Variants in MECOM observed in about 807,000 individuals in gnomAD.
MECOM encodes histone-lysine N-methyltransferase MECOM.
In MECOM, 13 loss-of-function variants were observed where a neutral mutation model predicts 116.3. The ratio of observed to expected loss-of-function variants is 0.11; its 90% confidence interval spans 0.07 to 0.18. The LOEUF (loss-of-function observed/expected upper bound fraction) is 0.18. Among genes scored for constraint, MECOM ranks in the 10% least tolerant of loss-of-function variants. The pLI, the probability that MECOM is intolerant of heterozygous loss-of-function variation, is 1.00. For synonymous variants in MECOM, 528 were observed against 535.2 expected (o/e 0.99, Z 0.19); for missense variants, 1,299 against 1,509.0 (o/e 0.86, Z 2.31).
intron 1 of MECOM, among the ~76,000 whole-genome samples, chr3:169,381,888 T>G (rs543350041): frequency 1.3e-5 from 2 of 152,276 alleles, no homozygotes; most frequent in South Asian, 4.1e-4. Flanking sequence ...AATTCCAAAT[T>G]GGGAGCTGAC....
intron 1 of MECOM, among the ~76,000 whole-genome samples, chr3:169,490,938 G>A (rs1331099513): frequency 6.6e-6 from 1 of 151,892 alleles, no homozygotes; most frequent in Non-Finnish European, 1.5e-5. Flanking sequence ...TGCCCAGGAT[G>A]GTCTGTAATT....
chr3:169,545,251 A>G (rs890524302), intron 1 of MECOM, among the ~76,000 whole-genome samples: 1 of 152,156 alleles, frequency 6.6e-6, no homozygotes. Flanking sequence ...AACATCTATT[A>G]CATAATAGGC....
intron 1 of MECOM, among the ~76,000 whole-genome samples, chr3:169,570,527 A>G (rs1381915126): frequency 6.6e-6 from 1 of 152,168 alleles, no homozygotes. Flanking sequence ...CCTGAAAAAG[A>G]CACATTAAAA....
intron 2 of MECOM, among the ~76,000 whole-genome samples, chr3:169,200,322 T>C (rs1252976172): frequency 2.0e-5 from 3 of 152,144 alleles, no homozygotes; most frequent in African/African-American, 7.2e-5. Flanking sequence ...AATTTGAGAA[T>C]TGATCTTTCA....
chr3:169,248,717 G>A (rs187705715), intron 2 of MECOM, among the ~76,000 whole-genome samples: 22 of 152,194 alleles, frequency 1.4e-4, no homozygotes, highest in Middle Eastern at 3.4e-3. Context: ...TCTGATTAGC[G>A]TACTTCTAAG....
At chr3:169,218,154 T>G (rs1177808015) in intron 2 of MECOM, among the ~76,000 whole-genome samples, 1 of 152,022 alleles carries the variant, frequency 6.6e-6, no homozygotes, top group Non-Finnish European at 1.5e-5. Context: ...CATCTTACTG[T>G]GTGCTTTTAA....
chr3:169,254,517 T>A (rs1048141748), intron 2 of MECOM, among the ~76,000 whole-genome samples: 10 of 152,184 alleles, frequency 6.6e-5, no homozygotes, highest in African/African-American at 2.4e-4. Flanking sequence ...TAGTGATTTT[T>A]ACTATCTTAA....
intron 1 of MECOM, among the ~76,000 whole-genome samples, chr3:169,563,878 G>C (rs1362953888): frequency 6.6e-6 from 1 of 152,088 alleles, no homozygotes; most frequent in African/African-American, 2.4e-5. Context: ...GTCAAGTGTA[G>C]GTGCTCTTCC....
At chr3:169,412,270 A>G (rs962187331) in intron 1 of MECOM, among the ~76,000 whole-genome samples, 1 of 147,630 alleles carries the variant, frequency 6.8e-6, no homozygotes, top group Admixed American at 7.0e-5. Flanking sequence ...TGGGCAACAG[A>G]GTGAGACTCT....
intron 11 of MECOM, among the ~76,000 whole-genome samples, chr3:169,101,610 A>T (rs1723577141): frequency 6.6e-6 from 1 of 152,226 alleles, no homozygotes; most frequent in Non-Finnish European, 1.5e-5. Context: ...ACATAAAATA[A>T]GCTTTACTAC....
Position 169,366,874 on chromosome 3 carries a change from T to C in MECOM, c.375+14313A>G, listed in dbSNP as rs748999265. 3.3e-5 allele frequency among the ~76,000 whole-genome samples: 5 copies of C among 152,132 alleles called. No individual in the cohort carries two copies. In the South Asian group the frequency reaches 6.2e-4, roughly 19 times the overall value. ...ATCCATCTCCCATGGGTCTGTGACA[T>C]GAACTGACTGGCCAATAGCCATAGA... is the stretch of plus-strand genomic sequence containing the variant. On this transcript the variant is annotated intron_variant, in intron 2 of 16. Coordinates refer to ENST00000651503, the MANE Select transcript of MECOM (RefSeq NM_004991.4).
intron 1 of MECOM, among the ~76,000 whole-genome samples, chr3:169,559,433 T>C (rs1316551324): frequency 1.3e-5 from 2 of 152,110 alleles, no homozygotes; most frequent in African/African-American, 2.4e-5. Flanking sequence ...CAAAAAATAA[T>C]ACTAGGATAA....
At chr3:169,451,962 C>T (rs1560291072) in intron 1 of MECOM, among the ~76,000 whole-genome samples, 1 of 151,708 alleles carries the variant, frequency 6.6e-6, no homozygotes, top group East Asian at 2.0e-4. Flanking sequence ...CTTACTTCTG[C>T]TTGTCTGTTT....
intron 1 of MECOM, among the ~76,000 whole-genome samples, chr3:169,461,455 G>T (rs1747426391): frequency 6.6e-6 from 1 of 152,106 alleles, no homozygotes; most frequent in African/African-American, 2.4e-5. Flanking sequence ...AGACATCTGT[G>T]CCTCCGCTTA....
At chr3:169,126,631 C>A (rs982806182) in intron 5 of MECOM, among the ~76,000 whole-genome samples, 1 of 152,048 alleles carries the variant, frequency 6.6e-6, no homozygotes, top group Non-Finnish European at 1.5e-5. Context: ...TCTCTAATAG[C>A]TAAATTAGTC....
chr3:169,223,900 C>A (rs1005424743), intron 2 of MECOM, among the ~76,000 whole-genome samples: 5 of 152,146 alleles, frequency 3.3e-5, no homozygotes, highest in African/African-American at 1.2e-4. Flanking sequence ...CAGGTGGAAC[C>A]TCCTGTAGGT....
intron 1 of MECOM, among the ~76,000 whole-genome samples, chr3:169,597,967 T>G (rs566589917): frequency 3.0e-4 from 45 of 152,290 alleles, no homozygotes; most frequent in Admixed American, 2.7e-3. Context: ...GTAAATCAAG[T>G]AAACACATCA....
chr3:169,635,647 T>G (rs1050333047), intron 1 of MECOM, among the ~76,000 whole-genome samples: 9 of 152,252 alleles, frequency 5.9e-5, no homozygotes, highest in Admixed American at 2.6e-4. Flanking sequence ...TCATTGAACA[T>G]GTAAAATCCT....
At chr3:169,165,693 T>G (rs1400155276) in intron 2 of MECOM, among the ~76,000 whole-genome samples, 1 of 152,194 alleles carries the variant, frequency 6.6e-6, no homozygotes, top group African/African-American at 2.4e-5. Context: ...TTTTATTTCC[T>G]TGTTTTATGT....
Sources: gnomAD v4.1 joint callset for allele counts (sites outside exome capture counted in the v4.1 genomes callset) on GRCh38, gnomAD v4.1.1 for gene constraint, MANE v1.5 for transcripts, NCBI Gene and HGNC (gene_info 2026-07-23, HGNC 2026-07-21) for gene names.